The following DHRSX variants were observed in gnomAD, a reference collection of about 807,000 sequenced individuals.
DHRSX encodes dehydrogenase/reductase X-linked.
A neutral mutation model predicts 34.0 loss-of-function variants in DHRSX; 31 were observed. That is an observed-to-expected ratio of 0.91 (90% CI 0.69 to 1.23). The LOEUF (loss-of-function observed/expected upper bound fraction) is 1.23. Ranked by LOEUF, DHRSX falls within the 50% of genes most tolerant of loss-of-function variation. The pLI is 0.00. For missense variants in DHRSX, 414 were observed against 428.1 expected (o/e 0.97, Z 0.29); for synonymous variants, 201 against 183.8 (o/e 1.09, Z -0.76).
chrX:2,487,688 C>T (rs755929136), intron 1 of DHRSX: 1 of 152,298 alleles, frequency 6.6e-6, no homozygotes, highest in South Asian at 2.1e-4. Context: ...AGGAAGCAGG[C>T]TCTCTGGCAG....
At chrX:2,282,745 G>T (rs1458753064) in intron 4 of DHRSX, among the ~76,000 whole-genome samples, 1 of 141,340 alleles carries the variant, frequency 7.1e-6, no homozygotes, top group Non-Finnish European at 1.5e-5. Context: ...AGGGAGAATG[G>T]GAGAGAGAGA....
chrX:2,224,875 TCA>T (rs1157579869), intron 6 of DHRSX, among the ~76,000 whole-genome samples: 3 of 145,914 alleles, frequency 2.1e-5, no homozygotes, highest in South Asian at 2.3e-4. Flanking sequence ...TGCACACAGC[TCA>T]CACGCACACA....
chrX:2,246,741 A>AAAG lies in DHRSX; in HGVS notation c.597-3514_597-3512dup, dbSNP rs1491285784. Among the ~76,000 whole-genome samples, 174 of 113,606 alleles carry AAAG rather than the reference A, an allele frequency of 1.5e-3. 1 individual carries two copies. Among genetic ancestry groups the AAAG allele is most frequent in the Admixed American group, 6.5e-3 (77 of 11,896 alleles). 74.5% of individuals were successfully genotyped at this position (113,606 alleles called of 152,430 possible). On this transcript the variant is annotated intron_variant, in intron 5 of 6. Coordinates refer to ENST00000334651, the MANE Select transcript of DHRSX (RefSeq NM_145177.3). ...GAAAGAAAGAAAGAAAGAAAGAAAGAAAGAAAGAAAAAGAAAGAAAATAAA... is the reference window on the plus strand; with the variant it reads ...GAAAGAAAGAAAGAAAGAAAGAAAGAAAGAAGAAAGAAAAAGAAAGAAAATAAA...
chrX:2,490,089 C>T (rs376900820), intron 1 of DHRSX: 14 of 1,613,698 alleles, frequency 8.7e-6, no homozygotes, highest in East Asian at 2.2e-5. Context: ...GCCAGCGTGA[C>T]GTAGGCGCGG....
intron 3 of DHRSX, among the ~76,000 whole-genome samples, chrX:2,326,336 A>G (rs1340546178): frequency 6.6e-6 from 1 of 152,176 alleles, no homozygotes; most frequent in Non-Finnish European, 1.5e-5. Flanking sequence ...CAGCCTGGCC[A>G]ACATAGTGAA....
chrX:2,433,999 C>T (rs113353848), intron 1 of DHRSX, among the ~76,000 whole-genome samples: 4,648 of 151,998 alleles, frequency 0.031, 117 homozygotes, highest in Non-Finnish European at 0.046. Flanking sequence ...AGGATGGTCT[C>T]GATCTCCTGA....
At chrX:2,277,054 G>A (rs867078573) in intron 4 of DHRSX, among the ~76,000 whole-genome samples, 1 of 87,510 alleles carries the variant, frequency 1.1e-5, no homozygotes, top group Admixed American at 1.0e-4. Context: ...GAGGAGGAGA[G>A]GGAGGAAATA....
At chrX:2,356,155 C>CAACTGAAG (rs1419124029) in intron 3 of DHRSX, among the ~76,000 whole-genome samples, 3 of 151,542 alleles carry the variant, frequency 2.0e-5, no homozygotes, top group Admixed American at 2.0e-4. Context: ...GCAGGCAGAT[C>CAACTGAAG]AACTGAAGTC....
intron 1 of DHRSX, among the ~76,000 whole-genome samples, chrX:2,468,541 G>A (rs2044533417): frequency 6.6e-6 from 1 of 151,962 alleles, no homozygotes; most frequent in South Asian, 2.1e-4. Context: ...ATGCACTGAA[G>A]AGGTTCCCTA....
At chrX:2,271,039 T>C (rs921982851) in intron 4 of DHRSX, among the ~76,000 whole-genome samples, 14 of 152,200 alleles carry the variant, frequency 9.2e-5, no homozygotes, top group Non-Finnish European at 1.9e-4. Context: ...AGCCAGCTTG[T>C]GTCCCCTTCC....
chrX:2,330,677 AGG>A (rs2042459089), intron 3 of DHRSX, among the ~76,000 whole-genome samples: 1 of 124,878 alleles, frequency 8.0e-6, no homozygotes, highest in African/African-American at 4.1e-5. Context: ...AAGGAGAAGG[AGG>A]AGGAGAAGTA....
chrX:2,272,812 G>A (rs1312820633), intron 4 of DHRSX, among the ~76,000 whole-genome samples: 1 of 152,124 alleles, frequency 6.6e-6, no homozygotes, highest in African/African-American at 2.4e-5. Flanking sequence ...AGACCCCCCA[G>A]GCAGAACTGC....
At chrX:2,365,098 G>A (rs1199833710) in intron 3 of DHRSX, among the ~76,000 whole-genome samples, 1 of 152,112 alleles carries the variant, frequency 6.6e-6, no homozygotes, top group African/African-American at 2.4e-5. Flanking sequence ...ATTGACAAAT[G>A]AGATCTCATT....
At chrX:2,235,739 G>GAA (rs765422799) in intron 6 of DHRSX, among the ~76,000 whole-genome samples, 3,218 of 130,670 alleles carry the variant, frequency 0.025, 141 homozygotes, top group African/African-American at 0.089. Flanking sequence ...CATCTCAGGG[G>GAA]AAAAAAAAAA....
chrX:2,290,273 C>T (rs768974725), intron 4 of DHRSX, among the ~76,000 whole-genome samples: 24 of 152,130 alleles, frequency 1.6e-4, no homozygotes, highest in African/African-American at 5.8e-4. Flanking sequence ...TACAAAAACA[C>T]GAAACACATC....
intron 1 of DHRSX, among the ~76,000 whole-genome samples, chrX:2,449,143 C>A (rs1371050714): frequency 6.6e-6 from 1 of 151,362 alleles, no homozygotes; most frequent in Non-Finnish European, 1.5e-5. Context: ...GAGCTAAGAT[C>A]GCACCACTGC....
At chrX:2,485,722 AGG>A (rs2044884092) in intron 1 of DHRSX, among the ~76,000 whole-genome samples, 1 of 74,942 alleles carries the variant, frequency 1.3e-5, no homozygotes. Flanking sequence ...AACGGAGAGA[AGG>A]AAGGGAGAAA....
chrX:2,447,098 G>A (rs1433492440), intron 1 of DHRSX, among the ~76,000 whole-genome samples: 4 of 150,734 alleles, frequency 2.7e-5, no homozygotes, highest in Non-Finnish European at 4.4e-5. Context: ...TACACAAACC[G>A]TGTACACACT....
At chrX:2,227,358 G>A (rs35330727) in intron 6 of DHRSX, among the ~76,000 whole-genome samples, 25,956 of 142,300 alleles carry the variant, frequency 0.18, 2,763 homozygotes, top group Middle Eastern at 0.26. Context: ...AGAAAAAGAG[G>A]AAGAAGAAAG....
Sources: gnomAD v4.1 joint callset for allele counts (sites outside exome capture counted in the v4.1 genomes callset) on GRCh38, gnomAD v4.1.1 for gene constraint, MANE v1.5 for transcripts, NCBI Gene and HGNC (gene_info 2026-07-23, HGNC 2026-07-21) for gene names.